FGF1: variants seen among roughly 807,000 people sequenced by gnomAD.
The protein encoded by FGF1 is beta-endothelial cell growth factor.
A neutral mutation model predicts 13.4 loss-of-function variants in FGF1; 9 were observed. That is an observed-to-expected ratio of 0.67 (90% CI 0.40 to 1.17). FGF1 has a LOEUF of 1.17. Among genes scored for constraint, FGF1 ranks in the 50% most tolerant of loss-of-function variants. The probability of loss-of-function intolerance (pLI) is 0.01; values close to 1 mark genes in which losing one functional copy is unlikely to be tolerated. For synonymous variants in FGF1, 93 were observed against 79.0 expected, an observed-to-expected ratio of 1.18 and a Z score of -0.94; for missense variants, 156 against 192.7, an observed-to-expected ratio of 0.81 and a Z score of 1.13.
chr5:142,614,251 G>T, intron 1 of FGF1, 90 bp from the exon 2 acceptor site: 1 of 1,002,976 alleles, frequency 1.0e-6, no homozygotes, highest in East Asian at 2.6e-5. Flanking sequence ...CCAGGGCACA[G>T]GGTTCCCGGG....
chr5:142,626,848 T>A (rs1050921778), intron 1 of FGF1: 1 of 152,188 alleles, frequency 6.6e-6, no homozygotes, highest in African/African-American at 2.4e-5. Flanking sequence ...GTTGGAAATG[T>A]CATGAAAATG....
In FGF1 at chr5:142,595,461, C is replaced by T. The variant is rs775253006; in HGVS notation, c.297G>A (p.Leu99=). 3.4e-5 allele frequency: 55 copies of T among 1,613,550 alleles called. No homozygotes were observed. The highest frequency in any genetic ancestry group is 4.2e-5 in the Non-Finnish European group (49 of 1,179,796). ...YGSQTPNEEC[L]FLERLEENHY... ...GGTTCTCCTCCAGCCTTTCCAGGAA[C>T]AAACATTCCTCATTTGGTGTCTGCT... Residue 99 remains leucine (L), a synonymous_variant, in exon 4 of 4, where the codon TTG becomes TTA. Coordinates refer to ENST00000337706, the MANE Select transcript of FGF1 (RefSeq NM_000800.5).
At position 142,657,215 on chromosome 5, in the gene FGF1, G is replaced by T. The variant is rs1046175010; in HGVS notation, c.-35+28742C>A. 7.9e-5 allele frequency among the ~76,000 whole-genome samples: 12 copies of T among 152,054 alleles called. 1 individual carries two copies. In the East Asian group the frequency reaches 2.3e-3, roughly 29 times the overall value. ...TACAGGTGTGAGCCACCGCACCCAG[G>T]CCTACTGCAGGTATTTTCTAATGTA... On this transcript the variant is annotated intron_variant, in intron 1 of 3. Coordinates refer to ENST00000337706, the MANE Select transcript of FGF1 (RefSeq NM_000800.5).
chr5:142,614,812 CA>C (rs1193085790), intron 1 of FGF1, among the ~76,000 whole-genome samples: 13 of 152,000 alleles, frequency 8.6e-5, no homozygotes, highest in Non-Finnish European at 1.9e-4. Context: ...GGGCAAATAC[CA>C]TATCAAAGGA....
chr5:142,640,763 C>T (rs900623900), intron 1 of FGF1, among the ~76,000 whole-genome samples: 4 of 151,994 alleles, frequency 2.6e-5, no homozygotes, highest in African/African-American at 9.7e-5. Flanking sequence ...GTCATTTCCT[C>T]CTGTGACATC....
At chr5:142,597,093 G>T (rs189321381) in intron 3 of FGF1, among the ~76,000 whole-genome samples, 139 of 152,232 alleles carry the variant, frequency 9.1e-4, no homozygotes, top group African/African-American at 3.3e-3. Context: ...TTTGTGCAAA[G>T]ATAAAAAACC....
chr5:142,636,070 T>C (rs1764200761), intron 1 of FGF1, among the ~76,000 whole-genome samples: 1 of 152,242 alleles, frequency 6.6e-6, no homozygotes, highest in Non-Finnish European at 1.5e-5. Flanking sequence ...TGAGGCAACA[T>C]AAGTGAAGAC....
At chr5:142,669,783 T>A (rs148560464) in intron 1 of FGF1, among the ~76,000 whole-genome samples, 3 of 151,932 alleles carry the variant, frequency 2.0e-5, no homozygotes, top group Non-Finnish European at 4.4e-5. Flanking sequence ...AGGGGAAAGA[T>A]GAGATCTGCA....
chr5:142,596,344 C>T (rs1052995895), intron 3 of FGF1, among the ~76,000 whole-genome samples: 6 of 147,908 alleles, frequency 4.1e-5, no homozygotes, highest in African/African-American at 1.5e-4. Flanking sequence ...ATGGTGTGTG[C>T]CTGTAATCAC....
At chr5:142,606,423 T>C (rs1404919469) in intron 2 of FGF1, among the ~76,000 whole-genome samples, 1 of 150,464 alleles carries the variant, frequency 6.6e-6, no homozygotes, top group East Asian at 2.0e-4. Flanking sequence ...AAGACCAGCC[T>C]GGCCAACAGG....
chr5:142,618,924 GTTTTGTTTTTTTTTTT>G (rs1760828813), intron 1 of FGF1, among the ~76,000 whole-genome samples: 1 of 78,324 alleles, frequency 1.3e-5, no homozygotes, highest in African/African-American at 4.7e-5. Flanking sequence ...TTTTTTAGTT[GTTTTGTTTTTTTTTTT>G]TTTTTTTTTT....
chr5:142,632,073 G>A (rs1019330695), intron 1 of FGF1, among the ~76,000 whole-genome samples: 2 of 152,076 alleles, frequency 1.3e-5, no homozygotes, highest in Admixed American at 6.6e-5. Context: ...GAGCCACCAC[G>A]CCCGGCCTAA....
intron 1 of FGF1, among the ~76,000 whole-genome samples, chr5:142,678,939 G>C (rs971643446): frequency 6.6e-6 from 1 of 152,118 alleles, no homozygotes; most frequent in Non-Finnish European, 1.5e-5. Context: ...TTGAGGAGTG[G>C]CCTGGAACTT....
chr5:142,694,695 A>G (rs566673643), intron 2 of FGF1, among the ~76,000 whole-genome samples: 1 of 152,298 alleles, frequency 6.6e-6, no homozygotes, highest in East Asian at 1.9e-4. Context: ...CGGCAGCCCA[A>G]GGGGCAAGCT....
chr5:142,662,727 A>G (rs902723732), intron 1 of FGF1, among the ~76,000 whole-genome samples: 3 of 152,220 alleles, frequency 2.0e-5, no homozygotes, highest in Admixed American at 6.5e-5. Flanking sequence ...CCCTGGGGGA[A>G]CTTAGAACAA....
intron 1 of FGF1, among the ~76,000 whole-genome samples, chr5:142,681,861 T>C (rs1321992076): frequency 6.6e-6 from 1 of 152,174 alleles, no homozygotes; most frequent in Non-Finnish European, 1.5e-5. Context: ...AGTGAGGTGA[T>C]ACACTTACAG....
rs1006006784 is a variant in FGF1, at chr5:142,617,956, A to T, written c.-34-3795T>A. ...TAGCAGGTCCTTGGAGATTTACACAAATTGCTTTAATAAATGAATCCATTA... is the reference window on the plus strand; with the variant it reads ...TAGCAGGTCCTTGGAGATTTACACATATTGCTTTAATAAATGAATCCATTA... On this transcript the variant is annotated intron_variant, in intron 1 of 3. Coordinates refer to ENST00000337706, the MANE Select transcript of FGF1 (RefSeq NM_000800.5). Among the ~76,000 whole-genome samples, 2 of 152,196 alleles carry T rather than the reference A, an allele frequency of 1.3e-5. 1 individual carries two copies. The highest frequency in any genetic ancestry group is 1.3e-4 in the Admixed American group (2 of 15,286).
At chr5:142,640,507 T>G (rs1765025925) in intron 1 of FGF1, among the ~76,000 whole-genome samples, 2 of 151,096 alleles carry the variant, frequency 1.3e-5, no homozygotes, top group African/African-American at 4.9e-5. Flanking sequence ...CAGAGCCACA[T>G]GCACCTAAGC....
rs186038492 is a variant in FGF1 at position 142,614,304 on chromosome 5, C to T, written c.-34-143G>A. On this transcript the variant is annotated intron_variant, in intron 1 of 3. Transcript: ENST00000337706. The stretch of plus-strand genomic sequence containing the variant: ...CTGCCCAGGTGATGCCCGCAGTCCG[C>T]GGGCCTGTGAGGTGGCTGGTGGTTA... The T allele has an allele frequency of 2.6e-3, 1,682 of 646,656 alleles. 10 individuals are homozygous for T. The highest frequency in any genetic ancestry group is 2.7e-3 in the Non-Finnish European group (1,012 of 380,420). 40.1% of individuals were successfully genotyped at this position (646,656 alleles called of 1,614,324 possible). A position where few individuals can be genotyped will look rare whatever the true frequency, so the allele number is the denominator to read the frequency against.
Sources: gnomAD v4.1 joint callset for allele counts (sites outside exome capture counted in the v4.1 genomes callset) on GRCh38, gnomAD v4.1.1 for gene constraint, MANE v1.5 for transcripts, NCBI Gene and HGNC (gene_info 2026-07-23, HGNC 2026-07-21) for gene names.